DAP: variants seen among roughly 807,000 people sequenced by gnomAD.
DAP encodes death-associated protein 1.
DAP carries 8 observed loss-of-function variants against 13.8 expected under a neutral mutation model. That is an observed-to-expected ratio of 0.58 (90% CI 0.34 to 1.05). The LOEUF (loss-of-function observed/expected upper bound fraction) is 1.05, where lower values mean the gene tolerates loss of function less well. Among genes scored for constraint, DAP ranks in the 50% least tolerant of loss-of-function variants. DAP has a pLI of 0.03. For missense variants in DAP, 106 were observed against 133.2 expected, an observed-to-expected ratio of 0.80 and a Z score of 1.01; for synonymous variants, 47 against 47.5, an observed-to-expected ratio of 0.99 and a Z score of 0.04.
chr5:10,681,205 A>AG, intron 3 of DAP, 36 bp from the exon 4 acceptor site: 1 of 1,448,498 alleles, frequency 6.9e-7, no homozygotes, highest in Non-Finnish European at 9.1e-7. Flanking sequence ...GTTAATCAAT[A>AG]GGAAGCATGG....
chr5:10,749,471 T>G (rs1579821652), intron 1 of DAP, among the ~76,000 whole-genome samples: 1 of 152,328 alleles, frequency 6.6e-6, no homozygotes, highest in East Asian at 1.9e-4. Flanking sequence ...CTTACTATTG[T>G]GTGTCTTTTT....
chr5:10,689,667 C>T (rs903126080), intron 2 of DAP, among the ~76,000 whole-genome samples: 1 of 152,162 alleles, frequency 6.6e-6, no homozygotes, highest in African/African-American at 2.4e-5. Context: ...CCGGGTGTGG[C>T]GATGAGCCAG....
At chr5:10,731,418 G>A (rs1174668013) in intron 2 of DAP, among the ~76,000 whole-genome samples, 1 of 152,232 alleles carries the variant, frequency 6.6e-6, no homozygotes, top group Non-Finnish European at 1.5e-5. Context: ...CTTGCTACCA[G>A]CTGCATTGGC....
chr5:10,731,470 G>T (rs2126667210), intron 2 of DAP, among the ~76,000 whole-genome samples: 1 of 152,276 alleles, frequency 6.6e-6, no homozygotes. Flanking sequence ...GAACCTCACT[G>T]CCCAGGCTCC....
intron 2 of DAP, among the ~76,000 whole-genome samples, chr5:10,741,452 C>G (rs1252575429): frequency 6.6e-6 from 1 of 151,862 alleles, no homozygotes; most frequent in Non-Finnish European, 1.5e-5. Context: ...TCTTGGAGGG[C>G]CAGGAGATAA....
intron 2 of DAP, among the ~76,000 whole-genome samples, chr5:10,688,364 A>G (rs1277667692): frequency 6.6e-6 from 1 of 152,228 alleles, no homozygotes; most frequent in Non-Finnish European, 1.5e-5. Flanking sequence ...ATTAGCATAC[A>G]GAATTTTTAA....
intron 2 of DAP, among the ~76,000 whole-genome samples, chr5:10,716,524 G>C (rs944718445): frequency 6.6e-6 from 1 of 152,080 alleles, no homozygotes; most frequent in Non-Finnish European, 1.5e-5. Flanking sequence ...ACCCTTAATT[G>C]GGTGGGCACC....
chr5:10,691,492 A>C (rs1579786647), intron 2 of DAP, among the ~76,000 whole-genome samples: 1 of 152,382 alleles, frequency 6.6e-6, no homozygotes, highest in Admixed American at 6.5e-5. Context: ...AAGGCTGTAC[A>C]TGCAAAACAC....
intron 2 of DAP, among the ~76,000 whole-genome samples, chr5:10,693,242 G>A (rs1296066375): frequency 2.0e-5 from 3 of 152,318 alleles, no homozygotes; most frequent in Middle Eastern, 3.4e-3. Context: ...TTACTGGAGA[G>A]TTGTACGTAA....
chr5:10,683,644 G>T, intron 2 of DAP, 73 bp from the exon 3 acceptor site: 1 of 1,433,148 alleles, frequency 7.0e-7, no homozygotes, highest in Non-Finnish European at 9.8e-7. Flanking sequence ...CAGACGATGT[G>T]TATGTGGATG....
At chr5:10,734,041 T>C (rs1579812326) in intron 2 of DAP, 1 of 152,238 alleles carries the variant, frequency 6.6e-6, no homozygotes, top group African/African-American at 2.4e-5. Context: ...TCAGTTCATA[T>C]GTTTATGTAG....
chr5:10,706,831 G>A (rs560922168), intron 2 of DAP, among the ~76,000 whole-genome samples: 39 of 152,182 alleles, frequency 2.6e-4, no homozygotes, highest in South Asian at 1.7e-3. Context: ...CACTGCCCTC[G>A]AGAAAAGGGC....
chr5:10,751,404 G>A (rs2111391617), intron 1 of DAP, among the ~76,000 whole-genome samples: 1 of 152,300 alleles, frequency 6.6e-6, no homozygotes, highest in Middle Eastern at 3.4e-3. Context: ...ACACCTTAGG[G>A]TCATTTTCCA....
chr5:10,736,490 A>C (rs1243040561), intron 2 of DAP, among the ~76,000 whole-genome samples: 4 of 152,192 alleles, frequency 2.6e-5, no homozygotes, highest in Non-Finnish European at 4.4e-5. Flanking sequence ...GTCATCCTGC[A>C]TGGGGCTTCA....
intron 2 of DAP, among the ~76,000 whole-genome samples, chr5:10,721,305 C>T (rs1212395715): frequency 6.6e-6 from 1 of 152,150 alleles, no homozygotes; most frequent in South Asian, 2.1e-4. Context: ...TTCCTGTTCC[C>T]ACAACATTAT....
At chr5:10,696,641 A>G (rs1285534863) in intron 2 of DAP, among the ~76,000 whole-genome samples, 2 of 152,234 alleles carry the variant, frequency 1.3e-5, no homozygotes, top group Non-Finnish European at 2.9e-5. Context: ...TTTAGTGGCA[A>G]TAAGTAATGA....
At chr5:10,711,278 G>T (rs561062977) in intron 2 of DAP, among the ~76,000 whole-genome samples, 4 of 152,204 alleles carry the variant, frequency 2.6e-5, no homozygotes, top group Non-Finnish European at 5.9e-5. Context: ...CCGCTCACCC[G>T]GGGTGGCCTG....
At chr5:10,682,027 T>C (rs531888019) in intron 3 of DAP, among the ~76,000 whole-genome samples, 70 of 150,480 alleles carry the variant, frequency 4.7e-4, no homozygotes, top group African/African-American at 1.5e-3. Flanking sequence ...CCAGCATCCC[T>C]GTAGGAAGCA....
In DAP at chr5:10,707,533, G is replaced by C. The variant is rs1351255943; in HGVS notation, c.153-23962C>G. ...TGATGCATAGGTGGTGTGATGCATG[G>C]GTGCTGTGATGCAGGGGTGGTGTGA... On this transcript the variant is annotated intron_variant, in intron 2 of 3. Coordinates refer to ENST00000230895, the MANE Select transcript of DAP (RefSeq NM_004394.3). The surrounding 1 kb of genome is among the most constrained non-coding windows in gnomAD (Gnocchi z 4.0). Among the ~76,000 whole-genome samples, 2 of 152,144 alleles carry C rather than the reference G, an allele frequency of 1.3e-5. No individual in the cohort carries two copies. Among genetic ancestry groups the C allele is most frequent in the African/African-American group, 2.4e-5 (1 of 41,418 alleles).
Sources: gnomAD v4.1 joint callset for allele counts (sites outside exome capture counted in the v4.1 genomes callset) on GRCh38, gnomAD v4.1.1 for gene constraint, Gnocchi (gnomAD v3.1) non-coding constraint, MANE v1.5 for transcripts, NCBI Gene and HGNC (gene_info 2026-07-23, HGNC 2026-07-21) for gene names.